TTC23: variants seen among roughly 807,000 people sequenced by gnomAD.
TTC23 encodes tetratricopeptide repeat protein 23.
In TTC23, 58 loss-of-function variants were observed where a neutral mutation model predicts 55.1. The ratio of observed to expected loss-of-function variants is 1.05; its 90% CI spans 0.85 to 1.31. TTC23 has a LOEUF of 1.31. TTC23 is among the 50% of genes most tolerant of loss of function. The pLI is 0.00. For missense variants in TTC23, 516 were observed against 534.4 expected, an observed-to-expected ratio of 0.97 and a Z score of 0.34; for synonymous variants, 203 against 199.9, an observed-to-expected ratio of 1.02 and a Z score of -0.13.
intron 4 of TTC23, among the ~76,000 whole-genome samples, chr15:99,230,675 A>G (rs1567548161): frequency 6.6e-6 from 1 of 152,224 alleles, no homozygotes; most frequent in South Asian, 2.1e-4. Flanking sequence ...TTAGGGGAAT[A>G]AAAAGCAAAC....
chr15:99,198,764 C>A (rs951319056), intron 9 of TTC23, among the ~76,000 whole-genome samples: 5 of 152,134 alleles, frequency 3.3e-5, no homozygotes, highest in Non-Finnish European at 7.4e-5. Flanking sequence ...GGCACTCTAA[C>A]AAACTGTGAG....
At chr15:99,146,502 T>C (rs576181692) in intron 12 of TTC23, among the ~76,000 whole-genome samples, 2 of 152,356 alleles carry the variant, frequency 1.3e-5, no homozygotes, top group African/African-American at 2.4e-5. Flanking sequence ...TCCCTGGCCA[T>C]GTACCCATAA....
intron 3 of TTC23, among the ~76,000 whole-genome samples, chr15:99,239,093 GAGAA>G (rs1189978129): frequency 6.6e-6 from 1 of 152,186 alleles, no homozygotes; most frequent in Non-Finnish European, 1.5e-5. Context: ...ATATGAAAAA[GAGAA>G]AGAAGGAATC....
rs1234103413 is a variant in TTC23 at position 99,137,555 on chromosome 15, T to C, written c.*455A>G. 6.5e-6 allele frequency: 1 copy of C among 153,308 alleles called. No homozygotes were observed. Among genetic ancestry groups the C allele is most frequent in the Non-Finnish European group, 1.5e-5 (1 of 68,776 alleles). 9.5% of individuals were successfully genotyped at this position (153,308 alleles called of 1,614,324 possible). ...ACAGCAGCGTGTTCAGGTTTCCCTT[T>C]ATTAGCGTTTTCTTCTCATGTTATT... is the stretch of plus-strand genomic sequence containing the variant. On this transcript the variant is annotated 3_prime_UTR_variant, in exon 14 of 14. Coordinates refer to ENST00000394132, the MANE Select transcript of TTC23 (RefSeq NM_001288615.3).
chr15:99,169,255 G>A (rs972001642), intron 10 of TTC23, among the ~76,000 whole-genome samples: 1 of 152,176 alleles, frequency 6.6e-6, no homozygotes, highest in African/African-American at 2.4e-5. Context: ...AAGGGACAGA[G>A]GAAGGCTCTC....
chr15:99,191,238 T>A (rs557104377), intron 9 of TTC23, among the ~76,000 whole-genome samples: 5 of 152,376 alleles, frequency 3.3e-5, no homozygotes, highest in African/African-American at 1.2e-4. Context: ...TACCTTTCAA[T>A]TTTATTTAAC....
intron 12 of TTC23, among the ~76,000 whole-genome samples, chr15:99,147,416 G>A (rs2069068124): frequency 6.6e-6 from 1 of 151,634 alleles, no homozygotes; most frequent in South Asian, 2.1e-4. Flanking sequence ...TAGTAGAGAT[G>A]GAGTTTCACT....
At chr15:99,147,257 G>T (rs1670203) in intron 12 of TTC23, among the ~76,000 whole-genome samples, 1 of 123,286 alleles carries the variant, frequency 8.1e-6, no homozygotes, top group South Asian at 2.6e-4. Context: ...ACAGAGTCTC[G>T]CTCTGTCACC....
intron 8 of TTC23, among the ~76,000 whole-genome samples, chr15:99,212,912 G>A (rs1446037340): frequency 6.7e-6 from 1 of 149,822 alleles, no homozygotes; most frequent in Admixed American, 6.7e-5. Context: ...TTGAGCCCAG[G>A]AGGTCAAGGC....
intron 1 of TTC23, among the ~76,000 whole-genome samples, chr15:99,247,192 A>G (rs960108921): frequency 1.3e-5 from 2 of 152,122 alleles, no homozygotes; most frequent in Admixed American, 1.3e-4. Context: ...GATGTGGACA[A>G]ATTGGAACCC....
intron 8 of TTC23, among the ~76,000 whole-genome samples, chr15:99,213,607 G>A (rs1312361563): frequency 6.6e-6 from 1 of 152,172 alleles, no homozygotes; most frequent in Non-Finnish European, 1.5e-5. Flanking sequence ...TTCTGGACTG[G>A]TAAAGCCTTC....
chr15:99,137,685 C>A lies in TTC23; in HGVS notation c.*325G>T. On this transcript the variant is annotated 3_prime_UTR_variant, in exon 14 of 14. Coordinates refer to ENST00000394132, the MANE Select transcript of TTC23 (RefSeq NM_001288615.3). The stretch of plus-strand genomic sequence containing the variant: ...GCTGTGTGTACAAGCAGATGCCGGG[C>A]TGACTCCTGCACAGGGCGCACTGAA... The A allele has an allele frequency of 3.6e-6, 1 of 278,010 alleles. No individual in the cohort carries two copies. The highest frequency in any genetic ancestry group is 7.0e-6 in the Non-Finnish European group (1 of 143,734). The allele number at this position is 278,010 out of a possible 1,614,324, so 17.2% of individuals were successfully genotyped here. A position where few individuals can be genotyped will look rare whatever the true frequency, so the allele number is the denominator to read the frequency against.
Position 99,218,714 on chromosome 15 carries a change from C to G in TTC23, c.456-1G>C. 6.2e-7 allele frequency: 1 copy of G among 1,613,906 alleles called. No individual in the cohort carries two copies. Among genetic ancestry groups the G allele is most frequent in the Non-Finnish European group, 8.5e-7 (1 of 1,180,006 alleles). ...CAAATTCTCTGCAGCTTCCTTAAATCTGAATTGTGTTCAGGAAATTTTCCA... is the reference window on the plus strand; with the variant it reads ...CAAATTCTCTGCAGCTTCCTTAAATGTGAATTGTGTTCAGGAAATTTTCCA... On this transcript the variant is annotated splice_acceptor_variant, in intron 7 of 13. Coordinates refer to ENST00000394132, the MANE Select transcript of TTC23 (RefSeq NM_001288615.3). LOFTEE classifies it high-confidence loss of function.
At chr15:99,140,047 A>C (rs1555489539) in intron 12 of TTC23, 1 of 222,782 alleles carries the variant, frequency 4.5e-6, no homozygotes, top group African/African-American at 2.3e-5. Flanking sequence ...AGGTGGAGGA[A>C]CTTGCTTTAC....
At chr15:99,146,963 G>A (rs576769604) in intron 12 of TTC23, among the ~76,000 whole-genome samples, 7 of 152,222 alleles carry the variant, frequency 4.6e-5, no homozygotes, top group African/African-American at 1.4e-4. Flanking sequence ...TTCCCAGGCT[G>A]GAGTGCAGCG....
At chr15:99,229,661 T>C (rs1475279457) in intron 4 of TTC23, among the ~76,000 whole-genome samples, 1 of 152,226 alleles carries the variant, frequency 6.6e-6, no homozygotes, top group Non-Finnish European at 1.5e-5. Flanking sequence ...GACAGAATAC[T>C]GATTAGCATG....
At chr15:99,171,039 T>A (rs1209669458) in intron 10 of TTC23, among the ~76,000 whole-genome samples, 1 of 152,220 alleles carries the variant, frequency 6.6e-6, no homozygotes, top group Non-Finnish European at 1.5e-5. Context: ...ATTTAGGTGA[T>A]TCGTTTGAGG....
chr15:99,202,956 T>C (rs1296416349), intron 8 of TTC23, among the ~76,000 whole-genome samples: 1 of 152,212 alleles, frequency 6.6e-6, no homozygotes, highest in Non-Finnish European at 1.5e-5. Context: ...CAGATTAGTA[T>C]TAAATGTCTA....
intron 10 of TTC23, among the ~76,000 whole-genome samples, chr15:99,167,939 G>C (rs2072360173): frequency 6.6e-6 from 1 of 152,196 alleles, no homozygotes; most frequent in African/African-American, 2.4e-5. Context: ...CGCTAACCTG[G>C]AGGAGCTCCC....
Sources: allele counts gnomAD v4.1 joint callset (sites outside exome capture counted in the v4.1 genomes callset), GRCh38; gene constraint gnomAD v4.1.1; transcripts MANE v1.5; gene names NCBI Gene and HGNC (gene_info 2026-07-23, HGNC 2026-07-21).